The following RPS3 variants were observed in gnomAD, a reference collection of about 807,000 sequenced individuals.
The protein encoded by RPS3 is ribosomal protein S3.
A neutral mutation model predicts 25.8 loss-of-function variants in RPS3; 2 were observed. The observed-to-expected ratio is 0.08, with a 90% CI of 0.03 to 0.24. RPS3 has a LOEUF of 0.24. Among genes scored for constraint, RPS3 ranks in the 10% least tolerant of loss-of-function variants. RPS3 has a pLI of 1.00. For synonymous variants in RPS3, 114 were observed against 114.2 expected, an observed-to-expected ratio of 1.00 and a Z score of 0.01; for missense variants, 107 against 307.1, an observed-to-expected ratio of 0.35 and a Z score of 4.87.
intron 6 of RPS3, among the ~76,000 whole-genome samples, chr11:75,417,593 TCACA>T (rs560522885): frequency 2.6e-4 from 39 of 152,210 alleles, no homozygotes; most frequent in African/African-American, 8.2e-4. Flanking sequence ...TGAGACTCCG[TCACA>T]CACACACAAA....
At position 75,406,086 on chromosome 11, in the gene RPS3, G is replaced by C. The variant is rs1467802000; in HGVS notation, c.*476G>C. On this transcript the variant is annotated 3_prime_UTR_variant, in exon 7 of 7. Transcript: ENST00000531188. ...GTAAAGGAAATTTGCTTGCACCACT[G>C]AAGGCACATAAGGCTCAGAAGTAAA... 1 of 154,504 alleles carries C rather than the reference G, an allele frequency of 6.5e-6. No individual in the cohort carries two copies. Among genetic ancestry groups the C allele is most frequent in the Admixed American group, 6.4e-5 (1 of 15,522 alleles). The allele number at this position is 154,504 out of a possible 1,614,324, so 9.6% of individuals were successfully genotyped here.
Position 75,413,552 on chromosome 11 carries a change from A to G in RPS3, c.*4-8175A>G, listed in dbSNP as rs558205086. ...ATTACAGGCATGAGCCACCGCGCCC[A>G]GCCCTTCTTGTATATTCTTAAAGAG... is the stretch of plus-strand genomic sequence containing the variant. On this transcript the variant is annotated intron_variant, in intron 6 of 6. Transcript: ENST00000527446. 1.6e-3 allele frequency among the ~76,000 whole-genome samples: 248 copies of G among 152,286 alleles called. 1 individual carries two copies. Among genetic ancestry groups the G allele is most frequent in the African/African-American group, 5.7e-3 (236 of 41,554 alleles).
intron 1 of RPS3, 35 bp downstream of exon 1, chr11:75,399,612 G>T: frequency 6.2e-7 from 1 of 1,603,748 alleles, no homozygotes; most frequent in African/African-American, 1.3e-5. Context: ...GAGAACGACG[G>T]CGCCGCGCGG....
intron 6 of RPS3, chr11:75,405,095 G>A (rs945524596): frequency 1.3e-5 from 5 of 391,162 alleles, no homozygotes; most frequent in Non-Finnish European, 2.3e-5. Context: ...GCTTTTACTC[G>A]TGTATATGAA....
chr11:75,418,592 ATT>A (rs1212370102), intron 6 of RPS3, among the ~76,000 whole-genome samples: 1 of 152,230 alleles, frequency 6.6e-6, no homozygotes, highest in East Asian at 1.9e-4. Context: ...TGTTCATAAA[ATT>A]TGAGAATAAA....
intron 6 of RPS3, among the ~76,000 whole-genome samples, chr11:75,421,350 T>C (rs1033515800): frequency 1.3e-5 from 2 of 152,196 alleles, no homozygotes; most frequent in African/African-American, 4.8e-5. Context: ...ATCGCTCTTC[T>C]TCCAAAGGCA....
intron 6 of RPS3, among the ~76,000 whole-genome samples, chr11:75,416,764 C>G (rs368223286): frequency 2.6e-5 from 4 of 152,126 alleles, no homozygotes; most frequent in African/African-American, 9.7e-5. Flanking sequence ...TTTCTGAGAT[C>G]TGATGTTGCT....
intron 4 of RPS3, 41 bp from the exon 5 acceptor site, chr11:75,403,979 C>A: frequency 1.9e-6 from 3 of 1,571,962 alleles, no homozygotes; most frequent in African/African-American, 1.4e-5. Flanking sequence ...TGGTGGAGGT[C>A]CTTGGCAATA....
At chr11:75,410,018 G>T (rs1948331567), downstream of RPS3, among the ~76,000 whole-genome samples, 1 of 143,244 alleles carries the variant, frequency 7.0e-6, no homozygotes. Context: ...GGGGCGGCCG[G>T]GCAGAGGCGC....
intron 6 of RPS3, among the ~76,000 whole-genome samples, chr11:75,419,097 G>T (rs1442659637): frequency 6.6e-6 from 1 of 152,098 alleles, no homozygotes; most frequent in African/African-American, 2.4e-5. Flanking sequence ...CAAAGGATGT[G>T]GGTCTTTTGC....
intron 6 of RPS3, among the ~76,000 whole-genome samples, chr11:75,420,058 T>C (rs974849361): frequency 1.3e-5 from 2 of 152,206 alleles, no homozygotes; most frequent in African/African-American, 4.8e-5. Context: ...GAGTGAAGTC[T>C]CTTATGTTCT....
chr11:75,419,200 C>T (rs781755156), intron 6 of RPS3, among the ~76,000 whole-genome samples: 1 of 152,126 alleles, frequency 6.6e-6, no homozygotes, highest in Non-Finnish European at 1.5e-5. Context: ...GTGATGAAAT[C>T]CTTTCTGTAG....
intron 2 of RPS3, 109 bp downstream of exon 2, chr11:75,400,933 A>C (rs1483537207): frequency 7.3e-7 from 1 of 1,378,572 alleles, no homozygotes; most frequent in East Asian, 3.1e-5. Flanking sequence ...CCAAAGCTGG[A>C]GTGCAGTGGC....
downstream of RPS3, among the ~76,000 whole-genome samples, chr11:75,409,913 C>T (rs1197833415): frequency 8.8e-5 from 13 of 148,154 alleles, no homozygotes; most frequent in Admixed American, 4.6e-4. Context: ...CCTCACCTCC[C>T]GGACGGGGCG....
chr11:75,401,034 C>T (rs1948202920), intron 2 of RPS3, among the ~76,000 whole-genome samples: 2 of 152,158 alleles, frequency 1.3e-5, no homozygotes, highest in Non-Finnish European at 2.9e-5. Flanking sequence ...AGGCGCCCGC[C>T]ACCATACCTT....
At chr11:75,420,583 CTG>C (rs1383867269) in intron 6 of RPS3, among the ~76,000 whole-genome samples, 2 of 152,134 alleles carry the variant, frequency 1.3e-5, no homozygotes, top group African/African-American at 4.8e-5. Flanking sequence ...GGCTGAGTCT[CTG>C]TTTCCTCATT....
chr11:75,410,713 C>T (rs2510893), downstream of RPS3, among the ~76,000 whole-genome samples: 36,599 of 149,230 alleles, frequency 0.25, 3,408 homozygotes, highest in Non-Finnish European at 0.33. Context: ...ACTGAGTGAA[C>T]GAGACTCCGT....
At chr11:75,416,658 A>G (rs1948402324) in intron 6 of RPS3, among the ~76,000 whole-genome samples, 1 of 151,980 alleles carries the variant, frequency 6.6e-6, no homozygotes, top group African/African-American at 2.4e-5. Flanking sequence ...GGGTTTCACC[A>G]TGTTGGCCAG....
In RPS3 at chr11:75,418,915, T is replaced by G. The variant is rs77570883; in HGVS notation, c.*4-2812T>G. On this transcript the variant is annotated intron_variant, in intron 6 of 6. Transcript: ENST00000527446. ...ATTGACTACACCTGCAACCAGCCTA[T>G]TCTCACAGCCCTTTTTGTGGTGAGC... Among the ~76,000 whole-genome samples the G allele has an allele frequency of 3.9e-5, 6 of 152,302 alleles. No homozygotes were observed. In the East Asian group the frequency reaches 1.2e-3, roughly 29 times the overall value.
Sources: gnomAD v4.1 joint callset for allele counts (sites outside exome capture counted in the v4.1 genomes callset) on GRCh38, gnomAD v4.1.1 for gene constraint, MANE v1.5 for transcripts, NCBI Gene and HGNC (gene_info 2026-07-23, HGNC 2026-07-21) for gene names.